The following DNAH3 variants were observed in gnomAD, a reference collection of about 807,000 sequenced individuals.
DNAH3 encodes axonemal beta dynein heavy chain 3.
In DNAH3, 332 loss-of-function variants were observed where a neutral mutation model predicts 432.5. The ratio of observed to expected loss-of-function variants is 0.77; its 90% CI spans 0.70 to 0.84. The LOEUF is 0.84. Among genes scored for constraint, DNAH3 ranks in the 40% least tolerant of loss-of-function variants. DNAH3 has a pLI of 0.00. For missense variants in DNAH3, 4,861 were observed against 5,114.0 expected, an observed-to-expected ratio of 0.95 and a Z score of 1.51; for synonymous variants, 1,956 against 1,900.2, an observed-to-expected ratio of 1.03 and a Z score of -0.76.
intron 40 of DNAH3, among the ~76,000 whole-genome samples, chr16:21,020,242 G>C (rs1286522459): frequency 1.4e-5 from 2 of 147,702 alleles, no homozygotes; most frequent in Non-Finnish European, 3.0e-5. Context: ...GGCTGGTCTC[G>C]AACTCCTGAG....
chr16:21,095,801 G>A (rs960529269), intron 18 of DNAH3, among the ~76,000 whole-genome samples: 2 of 152,088 alleles, frequency 1.3e-5, no homozygotes, highest in African/African-American at 4.8e-5. Flanking sequence ...GTCTCGCTCT[G>A]TCTCCCAGGT....
At position 21,127,680 on chromosome 16, in the gene DNAH3, T is replaced by C. The variant is rs770778787; in HGVS notation, c.1208+7A>G. ...GGTGCAGCCCCACTTGGAGGGCAGATACTGACTTGTTGAGAAGAGTCTGGT... is the reference window on the plus strand; with the variant it reads ...GGTGCAGCCCCACTTGGAGGGCAGACACTGACTTGTTGAGAAGAGTCTGGT... On this transcript the variant is annotated splice_region_variant and intron_variant, in intron 8 of 61. Transcript: ENST00000261383. The C allele has an allele frequency of 3.1e-6, 5 of 1,613,954 alleles. No homozygotes were observed. Among genetic ancestry groups the C allele is most frequent in the Admixed American group, 3.3e-5 (2 of 60,004 alleles).
At chr16:21,032,974 A>G (rs2088965117) in intron 36 of DNAH3, among the ~76,000 whole-genome samples, 1 of 151,978 alleles carries the variant, frequency 6.6e-6, no homozygotes, top group African/African-American at 2.4e-5. Context: ...ATATTCTATT[A>G]TTTTATTTTG....
rs1431340015 is a variant in DNAH3, at chr16:21,056,378, C to CTCCT, written c.3924+1707_3924+1708insAGGA. On this transcript the variant is annotated intron_variant, in intron 27 of 61. Coordinates refer to ENST00000261383, the Ensembl canonical transcript of DNAH3. ...TTACTCTTTCCTTCCTTCTTTTTTC[C>CTCCT]TCCCTCCCTCCCTCCCTCTCTCCCT... is the stretch of plus-strand genomic sequence containing the variant. Among the ~76,000 whole-genome samples, 1,081 of 147,024 alleles carry CTCCT rather than the reference C, an allele frequency of 7.4e-3. 17 individuals are homozygous for CTCCT. The highest frequency in any genetic ancestry group is 0.026 in the African/African-American group (1,033 of 39,522).
Position 21,054,409 on chromosome 16 carries a change from C to T in DNAH3, c.4039+11G>A. 6.2e-7 allele frequency: 1 copy of T among 1,602,214 alleles called. No homozygotes were observed. Among genetic ancestry groups the T allele is most frequent in the South Asian group, 1.1e-5 (1 of 90,860 alleles). Reference sequence around the variant, plus strand: ...ATAGTCAGTAATGACAGGGGAAGCCCCCTGGCTTACCGTGGACATCGATGA... The same window carrying T: ...ATAGTCAGTAATGACAGGGGAAGCCTCCTGGCTTACCGTGGACATCGATGA... On this transcript the variant is annotated intron_variant, in intron 28 of 61. Transcript: ENST00000261383.
exon 60 of DNAH3, chr16:20,936,744 T>C: frequency 6.2e-7 from 1 of 1,611,938 alleles, no homozygotes; most frequent in Non-Finnish European, 8.5e-7. Context: ...GCTGGCACTT[T>C]ACCCACAAGC....
intron 47 of DNAH3, among the ~76,000 whole-genome samples, chr16:20,987,019 A>G (rs541541616): frequency 6.6e-6 from 1 of 152,196 alleles, no homozygotes; most frequent in Non-Finnish European, 1.5e-5. Flanking sequence ...TTGATCCTAA[A>G]AATGCATTTT....
intron 11 of DNAH3, among the ~76,000 whole-genome samples, chr16:21,118,442 T>A (rs1387652516): frequency 6.6e-6 from 1 of 152,016 alleles, no homozygotes; most frequent in Non-Finnish European, 1.5e-5. Flanking sequence ...TTTATTTATT[T>A]ATTTTTTTAA....
intron 36 of DNAH3, 60 bp downstream of exon 36, chr16:21,033,914 G>C: frequency 8.1e-7 from 1 of 1,233,896 alleles, no homozygotes; most frequent in Non-Finnish European, 1.2e-6. Context: ...TATCTCCATG[G>C]AGCCAGCCAA....
intron 16 of DNAH3, among the ~76,000 whole-genome samples, chr16:21,099,570 C>A (rs2091784482): frequency 6.6e-6 from 1 of 152,074 alleles, no homozygotes; most frequent in African/African-American, 2.4e-5. Context: ...GGTCTTGAGA[C>A]AAACAAGCTA....
At chr16:21,035,608 T>C (rs1191726986) in intron 35 of DNAH3, among the ~76,000 whole-genome samples, 1 of 152,138 alleles carries the variant, frequency 6.6e-6, no homozygotes, top group Non-Finnish European at 1.5e-5. Flanking sequence ...GGGTGGTGAG[T>C]ACATGAATGT....
At chr16:21,134,176 C>A in intron 7 of DNAH3, 83 bp downstream of exon 8, 2 of 1,346,092 alleles carry the variant, frequency 1.5e-6, no homozygotes, top group Non-Finnish European at 2.0e-6. Context: ...AGGGCTACCC[C>A]CACTGTGCAC....
Position 20,965,436 on chromosome 16 carries a change from C to G in DNAH3, c.8459-11G>C. The G allele has an allele frequency of 1.3e-6, 2 of 1,505,800 alleles. No individual in the cohort carries two copies. The highest frequency in any genetic ancestry group is 8.9e-7 in the Non-Finnish European group (1 of 1,126,654). 93.3% of individuals were successfully genotyped at this position (1,505,800 alleles called of 1,614,324 possible). On this transcript the variant is annotated splice_polypyrimidine_tract_variant and intron_variant, in intron 52 of 61. Coordinates refer to ENST00000261383, the Ensembl canonical transcript of DNAH3. ...CTTCTATCATCTTACCTATTTGGAA[C>G]AAGAAACAGAGATAATGTGTTAAGA...
intron 49 of DNAH3, among the ~76,000 whole-genome samples, chr16:20,981,037 T>C (rs906585898): frequency 3.9e-5 from 6 of 152,218 alleles, no homozygotes; most frequent in Non-Finnish European, 5.9e-5. Flanking sequence ...AACCATAGTT[T>C]GTCAGCTTCT....
chr16:21,107,491 T>G (rs1423669171), intron 14 of DNAH3, among the ~76,000 whole-genome samples: 1 of 151,988 alleles, frequency 6.6e-6, no homozygotes, highest in African/African-American at 2.4e-5. Context: ...CTGCCTGCCT[T>G]GGCCTCCTAA....
chr16:21,067,033 C>T (rs145251003), intron 24 of DNAH3, among the ~76,000 whole-genome samples: 3 of 152,268 alleles, frequency 2.0e-5, no homozygotes, highest in South Asian at 4.2e-4. Flanking sequence ...ACTCTACCCC[C>T]GTAATTAGGA....
chr16:21,043,575 CTT>C (rs2089551442), intron 31 of DNAH3, among the ~76,000 whole-genome samples: 1 of 42,814 alleles, frequency 2.3e-5, no homozygotes, highest in African/African-American at 1.1e-4. Context: ...GATATTAGCC[CTT>C]TGTCAGATGA....
chr16:20,968,323 C>A (rs2085154785), intron 52 of DNAH3, among the ~76,000 whole-genome samples: 1 of 152,140 alleles, frequency 6.6e-6, no homozygotes. Context: ...CCCACCTCAG[C>A]CTCCCAAAGT....
rs552219599 is a variant in DNAH3, at chr16:21,007,200, C to A, written c.6023-3993G>T. On this transcript the variant is annotated intron_variant, in intron 41 of 61. Transcript: ENST00000261383. The stretch of plus-strand genomic sequence containing the variant: ...AGCATCTTGTCATGGGCTTATTGGC[C>A]ATTTGTATATCCTTTTTTTTTTTTT... 1.5e-4 allele frequency among the ~76,000 whole-genome samples: 23 copies of A among 150,630 alleles called. No homozygotes were observed. In the East Asian group the frequency reaches 4.5e-3, roughly 30 times the overall value.
Sources: allele counts gnomAD v4.1 joint callset (sites outside exome capture counted in the v4.1 genomes callset), GRCh38; gene constraint gnomAD v4.1.1; transcripts MANE v1.5; gene names NCBI Gene and HGNC (gene_info 2026-07-23, HGNC 2026-07-21).